The following DENND4A variants were observed in gnomAD, a reference collection of about 807,000 sequenced individuals.
DENND4A encodes the protein C-myc promoter-binding protein.
DENND4A carries 70 observed loss-of-function variants against 199.3 expected under a neutral mutation model. That is an observed-to-expected ratio of 0.35 (90% CI 0.29 to 0.43). The LOEUF (loss-of-function observed/expected upper bound fraction) is 0.43, where lower values mean the gene tolerates loss of function less well. Among genes scored for constraint, DENND4A ranks in the 20% least tolerant of loss-of-function variants. The probability of loss-of-function intolerance (pLI) is 1.00; values close to 1 mark genes in which losing one functional copy is unlikely to be tolerated. For missense variants in DENND4A, 1,723 were observed against 2,255.8 expected (o/e 0.76, Z 4.78); for synonymous variants, 686 against 766.9 (o/e 0.89, Z 1.74).
intron 4 of DENND4A, among the ~76,000 whole-genome samples, chr15:65,742,123 C>T (rs1005996797): frequency 6.6e-6 from 1 of 152,148 alleles, no homozygotes; most frequent in Non-Finnish European, 1.5e-5. Flanking sequence ...CAAGTGCATA[C>T]CTTTGACTCC....
At chr15:65,751,340 C>G (rs2076556041) in intron 4 of DENND4A, among the ~76,000 whole-genome samples, 1 of 152,136 alleles carries the variant, frequency 6.6e-6, no homozygotes, top group South Asian at 2.1e-4. Context: ...TTTCCATTTG[C>G]TAGATAAGGA....
At position 65,702,198 on chromosome 15, in the gene DENND4A, G is replaced by A. The variant is rs530232641; in HGVS notation, c.2430+107C>T. On this transcript the variant is annotated intron_variant, in intron 17 of 32. Coordinates refer to ENST00000443035, the MANE Select transcript of DENND4A (RefSeq NM_001320835.1). ...AGGATTGCATCTCTTGAGCTCAAGAGGTTAAGACTGCAGTGAGCCATGACT... is the reference window on the plus strand; with the variant it reads ...AGGATTGCATCTCTTGAGCTCAAGAAGTTAAGACTGCAGTGAGCCATGACT... 3.5e-4 allele frequency: 329 copies of A among 942,762 alleles called. 1 individual carries two copies. In the African/African-American group the frequency reaches 5.1e-3, roughly 15 times the overall value. The allele number at this position is 942,762 out of a possible 1,614,324, so 58.4% of individuals were successfully genotyped here.
chr15:65,684,104 C>T (rs1317388378), intron 23 of DENND4A, among the ~76,000 whole-genome samples: 4 of 152,340 alleles, frequency 2.6e-5, no homozygotes, highest in African/African-American at 9.6e-5. Flanking sequence ...CTGTATAACA[C>T]ATTTTACCTA....
chr15:65,708,223 T>C (rs899047310), intron 14 of DENND4A, among the ~76,000 whole-genome samples: 4 of 152,060 alleles, frequency 2.6e-5, no homozygotes, highest in African/African-American at 9.7e-5. Context: ...CCCAGACTGG[T>C]CTGGAACTCC....
chr15:65,684,129 G>A (rs887185212), intron 23 of DENND4A, among the ~76,000 whole-genome samples: 1 of 152,138 alleles, frequency 6.6e-6, no homozygotes, highest in Non-Finnish European at 1.5e-5. Flanking sequence ...CCAGTTGACG[G>A]AAATTTGGGT....
At chr15:65,771,377 A>G in intron 1 of DENND4A, 1 of 1,584,732 alleles carries the variant, frequency 6.3e-7, no homozygotes, top group Non-Finnish European at 8.7e-7. Context: ...CTTTTGTAAT[A>G]ACATTCCTTT....
intron 1 of DENND4A, among the ~76,000 whole-genome samples, chr15:65,775,970 G>A (rs115510760): frequency 8.5e-4 from 130 of 152,176 alleles, no homozygotes; most frequent in African/African-American, 3.1e-3. Context: ...CTATTCCAAT[G>A]GTCAACTGCT....
chr15:65,734,006 T>C (rs1282094056), intron 7 of DENND4A, among the ~76,000 whole-genome samples: 1 of 152,154 alleles, frequency 6.6e-6, no homozygotes, highest in Non-Finnish European at 1.5e-5. Context: ...TTTCTCCCCA[T>C]GTGATAGTCT....
At chr15:65,716,815 C>T (rs1282006815) in intron 13 of DENND4A, among the ~76,000 whole-genome samples, 3 of 151,752 alleles carry the variant, frequency 2.0e-5, no homozygotes, top group Non-Finnish European at 4.4e-5. Flanking sequence ...CCTGAGGAAT[C>T]GCCACACTGA....
At chr15:65,701,987 G>C (rs1018881284) in intron 17 of DENND4A, 97 bp from the exon 18 acceptor site, 3 of 1,513,556 alleles carry the variant, frequency 2.0e-6, no homozygotes, top group East Asian at 2.3e-5. Flanking sequence ...TTGTGGCAGG[G>C]CACAGTGGCT....
At chr15:65,771,229 C>G (rs2077116421) in intron 1 of DENND4A, 2 of 1,606,460 alleles carry the variant, frequency 1.2e-6, no homozygotes, top group African/African-American at 1.3e-5. Flanking sequence ...TGTCCATGCT[C>G]AAGGCATCTG....
intron 1 of DENND4A, among the ~76,000 whole-genome samples, chr15:65,769,730 T>C (rs569361233): frequency 6.6e-6 from 1 of 152,296 alleles, no homozygotes; most frequent in South Asian, 2.1e-4. Context: ...ATTCAACAGA[T>C]GCCATAAATT....
At position 65,719,338 on chromosome 15, in the gene DENND4A, T is replaced by A. The variant is rs2075530010; in HGVS notation, c.1589-1342A>T. On this transcript the variant is annotated intron_variant, in intron 12 of 32. Coordinates refer to ENST00000443035, the MANE Select transcript of DENND4A (RefSeq NM_001320835.1). The stretch of plus-strand genomic sequence containing the variant: ...TTCTTCTTTCCCTTTTTTTTTTTTT[T>A]AATATAAGTACCTGCAGGAAGAACA... 3 of 150,550 alleles carry A rather than the reference T, an allele frequency of 2.0e-5. No homozygotes were observed. In the South Asian group the frequency reaches 6.4e-4, roughly 32 times the overall value. 9.3% of individuals were successfully genotyped at this position (150,550 alleles called of 1,614,324 possible). A position where few individuals can be genotyped will look rare whatever the true frequency, so the allele number is the denominator to read the frequency against.
intron 1 of DENND4A, among the ~76,000 whole-genome samples, chr15:65,777,992 C>T (rs1470766673): frequency 1.3e-5 from 2 of 151,754 alleles, no homozygotes; most frequent in African/African-American, 2.4e-5. Context: ...GAGATCAGGC[C>T]AATGCACTCC....
intron 28 of DENND4A, 39 bp from the exon 29 acceptor site, chr15:65,667,742 A>G (rs200310738): frequency 2.5e-5 from 40 of 1,580,840 alleles, no homozygotes; most frequent in Non-Finnish European, 3.3e-5. Flanking sequence ...CAAATGCAAA[A>G]TAATACTAAG....
At chr15:65,712,121 A>G (rs1329616018) in intron 14 of DENND4A, among the ~76,000 whole-genome samples, 2 of 152,230 alleles carry the variant, frequency 1.3e-5, no homozygotes. Flanking sequence ...AGCATTTTCA[A>G]GAAAGAACTA....
intron 14 of DENND4A, among the ~76,000 whole-genome samples, chr15:65,707,252 AAAAAG>A (rs1348240454): frequency 6.6e-6 from 1 of 152,122 alleles, no homozygotes. Context: ...CTCATAAACT[AAAAAG>A]AATAATATTG....
intron 12 of DENND4A, among the ~76,000 whole-genome samples, chr15:65,721,083 G>A (rs1386953891): frequency 6.7e-6 from 1 of 149,912 alleles, no homozygotes; most frequent in East Asian, 1.9e-4. Context: ...AAAGTGCTGG[G>A]ATTACAGGCC....
chr15:65,702,549 C>G, intron 16 of DENND4A, 38 bp from the exon 17 acceptor site: 9 of 1,488,838 alleles, frequency 6.0e-6, no homozygotes, highest in Non-Finnish European at 8.2e-6. Flanking sequence ...TAAATTTATG[C>G]ACTTAGGCAT....
Sources: allele counts gnomAD v4.1 joint callset (sites outside exome capture counted in the v4.1 genomes callset), GRCh38; gene constraint gnomAD v4.1.1; transcripts MANE v1.5; gene names NCBI Gene and HGNC (gene_info 2026-07-23, HGNC 2026-07-21).